Variants in TENM1 observed in about 807,000 individuals in gnomAD.
TENM1 encodes the protein teneurin transmembrane protein 1.
TENM1 carries 35 observed loss-of-function variants against 174.8 expected under a neutral mutation model. That is an observed-to-expected ratio of 0.20 (90% CI 0.15 to 0.27). TENM1 has a LOEUF of 0.27. Among genes scored for constraint, TENM1 ranks in the 10% least tolerant of loss-of-function variants. The pLI is 1.00. For missense variants in TENM1, 1,633 were observed against 2,130.1 expected (o/e 0.77, Z 4.59); for synonymous variants, 781 against 798.7 (o/e 0.98, Z 0.37).
At chrX:124,608,854 A>G (rs1403915376) in intron 11 of TENM1, among the ~76,000 whole-genome samples, 1 of 109,192 alleles carries the variant, frequency 9.2e-6, no homozygotes, top group Non-Finnish European at 1.9e-5. Context: ...CCAACAAAGA[A>G]TATTCTTTTT....
chrX:124,979,288 C>T, the TENM1 span, among the ~76,000 whole-genome samples: 6 of 110,900 alleles, frequency 5.4e-5, no homozygotes, highest in African/African-American at 1.3e-4. Context: ...ACTTAAGTGT[C>T]GTTTTTGTCA....
intron 3 of TENM1, among the ~76,000 whole-genome samples, chrX:124,830,744 A>G (rs1238568708): frequency 9.0e-6 from 1 of 111,268 alleles, no homozygotes; most frequent in East Asian, 2.8e-4. Flanking sequence ...GTATTCGTAT[A>G]ATGAAGAAAA....
intron 1 of TENM1, among the ~76,000 whole-genome samples, chrX:124,959,073 T>C (rs1603293020): frequency 9.0e-6 from 1 of 111,488 alleles, no homozygotes; most frequent in East Asian, 2.8e-4. Flanking sequence ...AAATAATGAG[T>C]TAGGCTCAAC....
the TENM1 span, among the ~76,000 whole-genome samples, chrX:125,106,700 C>T: frequency 3.6e-5 from 4 of 112,193 alleles, no homozygotes; most frequent in East Asian, 5.6e-4. Context: ...TGAGCCACTG[C>T]GCCCAGCCTA....
At chrX:125,130,287 C>T in the TENM1 span, among the ~76,000 whole-genome samples, 6 of 111,072 alleles carry the variant, frequency 5.4e-5, no homozygotes, top group African/African-American at 2.0e-4. Flanking sequence ...TCTCTAAATT[C>T]ACCTAATTTT....
intron 4 of TENM1, among the ~76,000 whole-genome samples, chrX:124,730,252 A>G (rs1194340934): frequency 8.9e-6 from 1 of 111,998 alleles, no homozygotes; most frequent in Non-Finnish European, 1.9e-5. Context: ...TATGAATGGA[A>G]GGGTAGAAAT....
chrX:124,411,615 G>C (rs1444485510), intron 25 of TENM1, among the ~76,000 whole-genome samples: 1 of 111,247 alleles, frequency 9.0e-6, no homozygotes, highest in Non-Finnish European at 1.9e-5. Context: ...CTGCAGGGTG[G>C]TGTCTCTGAT....
At chrX:124,887,666 C>G (rs1414512827) in intron 3 of TENM1, among the ~76,000 whole-genome samples, 1 of 111,085 alleles carries the variant, frequency 9.0e-6, no homozygotes, top group African/African-American at 3.3e-5. Flanking sequence ...TCACAGTCAC[C>G]ACAGAAGTGT....
chrX:125,160,066 G>A, the TENM1 span, among the ~76,000 whole-genome samples: 1 of 109,250 alleles, frequency 9.2e-6, no homozygotes, highest in African/African-American at 3.3e-5. Flanking sequence ...CAGGCGTGGT[G>A]GCAGGCGCTT....
the TENM1 span, among the ~76,000 whole-genome samples, chrX:125,135,721 C>G: frequency 9.0e-6 from 1 of 111,616 alleles, no homozygotes; most frequent in Non-Finnish European, 1.9e-5. Context: ...TGCTTTTATT[C>G]AAAAGAAAAG....
intron 3 of TENM1, among the ~76,000 whole-genome samples, chrX:124,814,120 C>T (rs760781562): frequency 3.6e-5 from 4 of 111,305 alleles, no homozygotes; most frequent in Non-Finnish European, 7.6e-5. Context: ...CAGAAGTTAA[C>T]AGCTTCATTT....
intron 11 of TENM1, among the ~76,000 whole-genome samples, chrX:124,631,535 A>AT (rs1486694319): frequency 9.0e-6 from 1 of 111,305 alleles, no homozygotes; most frequent in Non-Finnish European, 1.9e-5. Flanking sequence ...AAGGACTGAA[A>AT]TTTTTCTATA....
At chrX:125,169,733 T>C in the TENM1 span, among the ~76,000 whole-genome samples, 1 of 110,714 alleles carries the variant, frequency 9.0e-6, no homozygotes, top group South Asian at 3.8e-4. Flanking sequence ...TAAGGTCCCA[T>C]AGGAAAGAGC....
chrX:124,838,707 GTT>G (rs776662512), intron 3 of TENM1, among the ~76,000 whole-genome samples: 3 of 111,050 alleles, frequency 2.7e-5, no homozygotes, highest in Non-Finnish European at 5.7e-5. Context: ...TAATAACTCT[GTT>G]AACACCAAGT....
At chrX:124,522,265 G>A (rs963492832) in intron 17 of TENM1, among the ~76,000 whole-genome samples, 6 of 111,288 alleles carry the variant, frequency 5.4e-5, no homozygotes, top group Admixed American at 9.6e-5. Flanking sequence ...ACTGCTAAGA[G>A]CTGGTGGGTG....
At chrX:125,040,232 G>A in the TENM1 span, among the ~76,000 whole-genome samples, 2 of 110,852 alleles carry the variant, frequency 1.8e-5, no homozygotes, top group Non-Finnish European at 3.8e-5. Context: ...CCCTTGCATA[G>A]GCCCCTCCTA....
At chrX:125,148,366 T>C in the TENM1 span, among the ~76,000 whole-genome samples, 1 of 111,247 alleles carries the variant, frequency 9.0e-6, no homozygotes, top group East Asian at 2.8e-4. Flanking sequence ...CAGCACTGGT[T>C]TTCCTGTAGT....
chrX:124,722,567 G>T (rs1173119657), intron 4 of TENM1, among the ~76,000 whole-genome samples: 1 of 110,962 alleles, frequency 9.0e-6, no homozygotes, highest in Admixed American at 9.6e-5. Flanking sequence ...TCGGCCAGGC[G>T]TGGTGGCTCA....
intron 1 of TENM1, among the ~76,000 whole-genome samples, chrX:124,939,376 C>T (rs2058292818): frequency 9.0e-6 from 1 of 111,449 alleles, no homozygotes; most frequent in South Asian, 3.8e-4. Context: ...AACAGCATTA[C>T]CTCTGCCTTC....
Sources: allele counts gnomAD v4.1 joint callset (sites outside exome capture counted in the v4.1 genomes callset), GRCh38; gene constraint gnomAD v4.1.1; transcripts MANE v1.5; gene names NCBI Gene and HGNC (gene_info 2026-07-23, HGNC 2026-07-21).